STAG1: variants seen among roughly 807,000 people sequenced by gnomAD.
STAG1 encodes STAG1 cohesin complex component.
A neutral mutation model predicts 170.9 loss-of-function variants in STAG1; 26 were observed. That is an observed-to-expected ratio of 0.15 (90% confidence interval 0.11 to 0.21). STAG1 has a LOEUF of 0.21. Among genes scored for constraint, STAG1 ranks in the 10% least tolerant of loss-of-function variants. The pLI, the probability that STAG1 is intolerant of heterozygous loss-of-function variation, is 1.00. For missense variants in STAG1, 964 were observed against 1,509.5 expected (o/e 0.64, Z 5.99); for synonymous variants, 514 against 497.7 (o/e 1.03, Z -0.44).
At chr3:136,404,863 ATGTGTGTGTG>A (rs34596713) in intron 21 of STAG1, among the ~76,000 whole-genome samples, 83 of 149,010 alleles carry the variant, frequency 5.6e-4, no homozygotes, top group Non-Finnish European at 3.6e-4. Context: ...TTATGCATAT[ATGTGTGTGTG>A]TGTGTGTGTG....
chr3:136,351,865 C>A (rs922930786), intron 28 of STAG1, among the ~76,000 whole-genome samples: 2 of 152,020 alleles, frequency 1.3e-5, no homozygotes, highest in Non-Finnish European at 2.9e-5. Context: ...AAAGGGTAAA[C>A]CTAACTGGCT....
chr3:136,343,972 A>C lies in STAG1; in HGVS notation c.3306T>G (p.Thr1102=). The change falls in exon 30 of 34, where the codon ACT becomes ACG. Residue 1102 remains threonine, a synonymous_variant. Transcript: ENST00000383202. ...GGCCAGGAGTCTGAATCATGGTGTC[A>C]GTCCTGTTTAGCCATGTGTTATCCA... ...ESLDNTWLNR[T]DTMIQTPGPL... 6.2e-7 allele frequency: 1 copy of C among 1,605,284 alleles called. No individual in the cohort carries two copies. The highest frequency in any genetic ancestry group is 1.7e-4 in the Middle Eastern group (1 of 5,986).
At chr3:136,527,901 A>G (rs1263500884) in intron 6 of STAG1, among the ~76,000 whole-genome samples, 1 of 152,186 alleles carries the variant, frequency 6.6e-6, no homozygotes, top group Non-Finnish European at 1.5e-5. Flanking sequence ...AGAACAGTGA[A>G]TATTGCTGAA....
intron 5 of STAG1, among the ~76,000 whole-genome samples, chr3:136,550,275 C>T (rs568624060): frequency 7.9e-5 from 12 of 151,334 alleles, no homozygotes; most frequent in African/African-American, 2.9e-4. Context: ...TTTCTTTGTT[C>T]TCCTAATCCG....
At chr3:136,402,296 C>A (rs893670474) in intron 21 of STAG1, among the ~76,000 whole-genome samples, 2 of 151,886 alleles carry the variant, frequency 1.3e-5, no homozygotes, top group African/African-American at 4.8e-5. Context: ...TGGCTCACTG[C>A]AACCTCCTCC....
chr3:136,541,838 G>C (rs1360507376), intron 6 of STAG1, among the ~76,000 whole-genome samples: 2 of 151,996 alleles, frequency 1.3e-5, no homozygotes, highest in Non-Finnish European at 2.9e-5. Context: ...TTATAAATTT[G>C]GGAATTTGAG....
chr3:136,505,379 CACA>C lies in STAG1; in HGVS notation c.677-2603_677-2601del, dbSNP rs574098548. Among the ~76,000 whole-genome samples the C allele has an allele frequency of 2.7e-3, 406 of 152,184 alleles. 2 individuals are homozygous for C. Among genetic ancestry groups the C allele is most frequent in the African/African-American group, 9.3e-3 (384 of 41,486 alleles). On this transcript the variant is annotated intron_variant, in intron 7 of 33. Coordinates refer to ENST00000383202, the MANE Select transcript of STAG1 (RefSeq NM_005862.3). ...GTGTCGTCTGCAAATGGGTGCTGAC[CACA>C]ACAAGTTTATTAGAAGGTCATTATG...
Position 136,521,366 on chromosome 3 carries a change from G to A in STAG1, c.523C>T (p.Arg175Cys), listed in dbSNP as rs756848648. The A allele has an allele frequency of 6.2e-7, 1 of 1,613,568 alleles. No individual in the cohort carries two copies. Among genetic ancestry groups the A allele is most frequent in the Non-Finnish European group, 8.5e-7 (1 of 1,179,712 alleles). ...TMPGPQWKKF[R>C]SNFCEFIGVL... ...CCAATAAATTCACAAAAGTTTGAAC[G>A]AAATTTTTTCCACTGAGGTCCAGGC... Residue 175 changes from arginine to cysteine, a missense_variant, in exon 7 of 34, where the codon CGT (arginine) becomes TGT (cysteine). Physicochemically the swap from Arg to Cys is radical, Grantham distance 180. Coordinates refer to ENST00000383202, the MANE Select transcript of STAG1 (RefSeq NM_005862.3).
chr3:136,539,349 C>T (rs566957854), intron 6 of STAG1, among the ~76,000 whole-genome samples: 5 of 151,948 alleles, frequency 3.3e-5, no homozygotes, highest in South Asian at 2.1e-4. Context: ...GAAGTACATA[C>T]GATTAGACAG....
At chr3:136,470,072 T>C (rs971103214) in intron 12 of STAG1, among the ~76,000 whole-genome samples, 1 of 152,204 alleles carries the variant, frequency 6.6e-6, no homozygotes, top group Non-Finnish European at 1.5e-5. Flanking sequence ...GACATAGGCA[T>C]GGGCAAGGAC....
intron 12 of STAG1, among the ~76,000 whole-genome samples, chr3:136,468,524 C>T (rs139689491): frequency 0.02 from 2,995 of 152,126 alleles, 36 homozygotes; most frequent in Non-Finnish European, 0.032. Context: ...AATAGCCTAC[C>T]AACCAAAAAA....
At chr3:136,717,313 A>C (rs149331338) in intron 1 of STAG1, among the ~76,000 whole-genome samples, 2 of 152,230 alleles carry the variant, frequency 1.3e-5, no homozygotes, top group Non-Finnish European at 2.9e-5. Flanking sequence ...GATTTACTAT[A>C]AACAGTTATT....
At chr3:136,733,900 G>A (rs182037012) in intron 1 of STAG1, among the ~76,000 whole-genome samples, 1 of 152,148 alleles carries the variant, frequency 6.6e-6, no homozygotes, top group African/African-American at 2.4e-5. Context: ...AAGGTCAGGA[G>A]ATCAAGACCA....
intron 5 of STAG1, among the ~76,000 whole-genome samples, chr3:136,555,681 C>CTCAA (rs149089822): frequency 0.15 from 23,324 of 150,988 alleles, 2,882 homozygotes; most frequent in African/African-American, 0.35. Context: ...TAGACTCTGT[C>CTCAA]TCAATCAATC....
intron 1 of STAG1, among the ~76,000 whole-genome samples, chr3:136,659,152 T>C (rs908525790): frequency 2.0e-5 from 3 of 152,212 alleles, no homozygotes; most frequent in Non-Finnish European, 4.4e-5. Context: ...ACGCGAGTGA[T>C]AGCTGTGAAA....
intron 6 of STAG1, among the ~76,000 whole-genome samples, chr3:136,532,082 AAAGAT>A: frequency 6.6e-6 from 1 of 152,272 alleles, no homozygotes; most frequent in South Asian, 2.1e-4. Flanking sequence ...AATAAAATGA[AAAGAT>A]AAAACTGATA....
At chr3:136,659,017 A>G (rs911964869) in intron 1 of STAG1, among the ~76,000 whole-genome samples, 2 of 152,300 alleles carry the variant, frequency 1.3e-5, no homozygotes, top group African/African-American at 4.8e-5. Context: ...TCATGTAACC[A>G]GAGTAAAATT....
At chr3:136,466,165 C>T (rs1255400273) in intron 12 of STAG1, among the ~76,000 whole-genome samples, 1 of 152,128 alleles carries the variant, frequency 6.6e-6, no homozygotes, top group African/African-American at 2.4e-5. Context: ...ATGACTTTCA[C>T]GAGCTGACAG....
chr3:136,676,368 AACTTTTT>A (rs1176919874), intron 1 of STAG1, among the ~76,000 whole-genome samples: 33 of 152,292 alleles, frequency 2.2e-4, no homozygotes, highest in Middle Eastern at 3.4e-3. Flanking sequence ...TTACTTTATG[AACTTTTT>A]ACTTTTTAAA....
Sources: gnomAD v4.1 joint callset for allele counts (sites outside exome capture counted in the v4.1 genomes callset) on GRCh38, gnomAD v4.1.1 for gene constraint, MANE v1.5 for transcripts, NCBI Gene and HGNC (gene_info 2026-07-23, HGNC 2026-07-21) for gene names.